CSRNP3: variants seen among roughly 807,000 people sequenced by gnomAD.
CSRNP3 encodes the protein cysteine and serine rich nuclear protein 3.
In CSRNP3, 12 loss-of-function variants were observed where a neutral mutation model predicts 48.0. That is an observed-to-expected ratio of 0.25 (90% CI 0.16 to 0.41). The LOEUF (loss-of-function observed/expected upper bound fraction) is 0.41. CSRNP3 is among the 10% of genes least tolerant of loss of function. CSRNP3 has a pLI of 1.00. For missense variants in CSRNP3, 580 were observed against 724.4 expected, an observed-to-expected ratio of 0.80 and a Z score of 2.29; for synonymous variants, 263 against 269.7, an observed-to-expected ratio of 0.98 and a Z score of 0.24.
At chr2:165,672,950 A>C (rs1344014772) in intron 5 of CSRNP3, among the ~76,000 whole-genome samples, 1 of 152,100 alleles carries the variant, frequency 6.6e-6, no homozygotes, top group African/African-American at 2.4e-5. Flanking sequence ...TGAGGAGGAG[A>C]GGATAGGCCA....
In CSRNP3 at chr2:165,673,131, CTTTTT is replaced by C. The variant is rs3032370; in HGVS notation, c.409-3161_409-3157del. Among the ~76,000 whole-genome samples, 6 of 67,122 alleles carry C rather than the reference CTTTTT, an allele frequency of 8.9e-5. No homozygotes were observed. In the East Asian group the frequency reaches 1.5e-3, roughly 17 times the overall value. 44.0% of individuals were successfully genotyped at this position (67,122 alleles called of 152,430 possible). On this transcript the variant is annotated intron_variant, in intron 5 of 6. Transcript: ENST00000651982. Reference sequence around the variant, plus strand: ...AGCAAGAGTGAAACAGTATGTAGCTCTTTTTTTTTTTTTTTTTTTTTTTTGAGACA... The same window carrying C: ...AGCAAGAGTGAAACAGTATGTAGCTCTTTTTTTTTTTTTTTTTTTGAGACA...
intron 5 of CSRNP3, among the ~76,000 whole-genome samples, chr2:165,669,545 TG>T (rs1687294122): frequency 6.6e-6 from 1 of 152,220 alleles, no homozygotes; most frequent in South Asian, 2.1e-4. Context: ...ATCATTCCAC[TG>T]ATTCTGACAG....
chr2:165,611,556 AAGGGTGGGTTTCCTTTCC>A (rs1428474249), intron 4 of CSRNP3, among the ~76,000 whole-genome samples: 1 of 152,090 alleles, frequency 6.6e-6, no homozygotes, highest in Non-Finnish European at 1.5e-5. Flanking sequence ...ACCTCATGAT[AAGGGTGGGTTTCCTTTCC>A]AGTGGTAAAA....
At chr2:165,599,334 A>G (rs1474391930) in intron 4 of CSRNP3, among the ~76,000 whole-genome samples, 33 of 150,602 alleles carry the variant, frequency 2.2e-4, no homozygotes, top group African/African-American at 7.1e-4. Flanking sequence ...AGAAAGGAAA[A>G]GAAAAAAAGA....
chr2:165,504,966 A>G (rs1245369889), intron 2 of CSRNP3, among the ~76,000 whole-genome samples: 1 of 152,138 alleles, frequency 6.6e-6, no homozygotes, highest in Non-Finnish European at 1.5e-5. Flanking sequence ...AATAGACATG[A>G]CATGTTTTAG....
intron 4 of CSRNP3, among the ~76,000 whole-genome samples, chr2:165,617,070 T>G (rs1004714858): frequency 6.6e-6 from 1 of 152,094 alleles, no homozygotes; most frequent in Non-Finnish European, 1.5e-5. Context: ...ATTTTCTAAT[T>G]TTTTTATTGT....
intron 3 of CSRNP3, among the ~76,000 whole-genome samples, chr2:165,552,081 G>A (rs1327561949): frequency 6.6e-6 from 1 of 152,188 alleles, no homozygotes; most frequent in Non-Finnish European, 1.5e-5. Context: ...CCAGGCTGCT[G>A]AGCAGGCCAG....
chr2:165,596,148 T>C (rs567244333), intron 4 of CSRNP3, among the ~76,000 whole-genome samples: 13 of 150,898 alleles, frequency 8.6e-5, no homozygotes, highest in Admixed American at 8.6e-4. Flanking sequence ...TTTTTTTTTT[T>C]TTTTTTTGCC....
chr2:165,494,986 T>C (rs1257234158), intron 2 of CSRNP3, 58 bp downstream of exon 2: 1 of 152,632 alleles, frequency 6.6e-6, no homozygotes, highest in Non-Finnish European at 1.5e-5. Context: ...TGGGCCACTC[T>C]TGGGGGCTTT....
intron 3 of CSRNP3, chr2:165,574,487 G>T (rs1685418380): frequency 4.2e-6 from 5 of 1,201,354 alleles, no homozygotes; most frequent in Admixed American, 4.6e-5. Context: ...ACACTGATGG[G>T]CATTGGCTAT....
chr2:165,647,382 A>G (rs543982582), intron 4 of CSRNP3, among the ~76,000 whole-genome samples: 1 of 152,350 alleles, frequency 6.6e-6, no homozygotes, highest in Non-Finnish European at 1.5e-5. Flanking sequence ...TTACAATAAA[A>G]AAAACCAGCC....
intron 4 of CSRNP3, among the ~76,000 whole-genome samples, chr2:165,601,776 C>G (rs1685919885): frequency 6.6e-6 from 1 of 152,006 alleles, no homozygotes; most frequent in Non-Finnish European, 1.5e-5. Context: ...TGTGATTTCC[C>G]TACTACTGGC....
At chr2:165,594,755 G>A (rs1685780991) in intron 3 of CSRNP3, among the ~76,000 whole-genome samples, 1 of 152,026 alleles carries the variant, frequency 6.6e-6, no homozygotes, top group Non-Finnish European at 1.5e-5. Flanking sequence ...GACTCAGGTG[G>A]ATTTTCTCAA....
At chr2:165,633,955 A>G (rs1438863155) in intron 4 of CSRNP3, among the ~76,000 whole-genome samples, 1 of 152,160 alleles carries the variant, frequency 6.6e-6, no homozygotes. Flanking sequence ...TAATTTCTTC[A>G]TTGGGTTTTC....
intron 3 of CSRNP3, among the ~76,000 whole-genome samples, chr2:165,525,802 G>T (rs1251023054): frequency 6.6e-6 from 1 of 152,024 alleles, no homozygotes; most frequent in East Asian, 1.9e-4. Context: ...TTATATCTAA[G>T]AGGTCTTTGC....
At position 165,549,360 on chromosome 2, in the gene CSRNP3, G is replaced by A. The variant is rs182917048; in HGVS notation, c.-24+31399G>A. ...AGTTTGTTGGGAGAGTTGAAAGTCAGGGTAGTCTAATTTGAAAGTTTATAC... is the reference window on the plus strand; with the variant it reads ...AGTTTGTTGGGAGAGTTGAAAGTCAAGGTAGTCTAATTTGAAAGTTTATAC... On this transcript the variant is annotated intron_variant, in intron 3 of 6. Coordinates refer to ENST00000651982, the MANE Select transcript of CSRNP3 (RefSeq NM_001172173.2). Among the ~76,000 whole-genome samples the A allele has an allele frequency of 9.6e-3, 1,458 of 152,138 alleles. 16 individuals carry two copies. The highest frequency in any genetic ancestry group is 0.028 in the South Asian group (135 of 4,804).
intron 5 of CSRNP3, among the ~76,000 whole-genome samples, chr2:165,670,041 A>G (rs1051948824): frequency 2.6e-5 from 4 of 152,230 alleles, no homozygotes; most frequent in African/African-American, 4.8e-5. Context: ...TAGCTCTTCA[A>G]TTATGGACCA....
chr2:165,527,670 A>G (rs1260840819), intron 3 of CSRNP3, among the ~76,000 whole-genome samples: 1 of 152,150 alleles, frequency 6.6e-6, no homozygotes, highest in Non-Finnish European at 1.5e-5. Context: ...GTAGGCTCCA[A>G]ATTTCCTGAA....
intron 3 of CSRNP3, among the ~76,000 whole-genome samples, chr2:165,576,011 TC>T (rs1467042773): frequency 6.6e-6 from 1 of 151,518 alleles, no homozygotes; most frequent in African/African-American, 2.4e-5. Flanking sequence ...TATGCTGTCC[TC>T]TGGTCCAAAC....
Sources: allele counts gnomAD v4.1 joint callset (sites outside exome capture counted in the v4.1 genomes callset), GRCh38; gene constraint gnomAD v4.1.1; transcripts MANE v1.5; gene names NCBI Gene and HGNC (gene_info 2026-07-23, HGNC 2026-07-21).